Variants in FGF14 observed in about 807,000 individuals in gnomAD.
FGF14 encodes the protein fibroblast growth factor homologous factor 4.
FGF14 carries 5 observed loss-of-function variants against 25.5 expected under a neutral mutation model. The observed-to-expected ratio is 0.20, with a 90% CI of 0.10 to 0.41. The LOEUF is 0.41. Among genes scored for constraint, FGF14 ranks in the 10% least tolerant of loss-of-function variants. FGF14 has a pLI of 1.00. For synonymous variants in FGF14, 138 were observed against 118.3 expected, an observed-to-expected ratio of 1.17 and a Z score of -1.08; for missense variants, 222 against 320.1, an observed-to-expected ratio of 0.69 and a Z score of 2.34.
At chr13:102,046,473 G>A (rs80132273) in intron 1 of FGF14, among the ~76,000 whole-genome samples, 2,240 of 152,236 alleles carry the variant, frequency 0.015, 67 homozygotes, top group African/African-American at 0.051. Context: ...ACAAAAAACA[G>A]GAGTATGATG....
intron 1 of FGF14, among the ~76,000 whole-genome samples, chr13:102,378,578 G>T (rs985570600): frequency 9.6e-4 from 143 of 149,730 alleles, no homozygotes; most frequent in African/African-American, 3.3e-3. Flanking sequence ...TTTACATTAA[G>T]TATGTTATAT....
intron 1 of FGF14, among the ~76,000 whole-genome samples, chr13:102,123,099 A>G (rs1417119668): frequency 6.6e-6 from 1 of 152,208 alleles, no homozygotes; most frequent in Non-Finnish European, 1.5e-5. Context: ...AGAAAGACAG[A>G]CGGATGGTAA....
intron 1 of FGF14, among the ~76,000 whole-genome samples, chr13:101,966,470 T>C (rs1566506225): frequency 6.6e-6 from 1 of 151,434 alleles, no homozygotes; most frequent in African/African-American, 2.4e-5. Context: ...ATAAATCTTG[T>C]GGTTTTTTTT....
rs150436906 is a variant in FGF14 at position 102,104,183 on chromosome 13, C to T, written c.209-228887G>A. ...CCAGTACTGTCATTATACTCACCAACTTGTACTGAAGTTGCAAAGAAGTTT... is the reference window on the plus strand; with the variant it reads ...CCAGTACTGTCATTATACTCACCAATTTGTACTGAAGTTGCAAAGAAGTTT... On this transcript the variant is annotated intron_variant, in intron 1 of 4. Coordinates refer to the FGF14 transcript ENST00000376131. Among the ~76,000 whole-genome samples, 60 of 152,328 alleles carry T rather than the reference C, an allele frequency of 3.9e-4. 1 individual carries two copies. The highest frequency in any genetic ancestry group is 2.2e-4 in the Non-Finnish European group (15 of 68,028).
At position 101,841,913 on chromosome 13, in the gene FGF14, G is replaced by A. The variant is rs901363371; in HGVS notation, c.408+26812C>T. Among the ~76,000 whole-genome samples the A allele has an allele frequency of 9.2e-5, 14 of 151,976 alleles. No homozygotes were observed. In the East Asian group the frequency reaches 2.3e-3, roughly 25 times the overall value. On this transcript the variant is annotated intron_variant, in intron 3 of 4. Transcript: ENST00000376143. ...CCCCAGGAGCTCACCTTTTCTGCAC[G>A]TGAAAAGAATACTCACTCAGTATAA...
intron 1 of FGF14, among the ~76,000 whole-genome samples, chr13:102,027,806 A>G (rs1379708512): frequency 4.6e-5 from 7 of 152,002 alleles, no homozygotes; most frequent in Non-Finnish European, 1.0e-4. Flanking sequence ...TTATCCTGTC[A>G]CGATTTACCT....
chr13:102,322,885 A>T (rs1306867929), intron 1 of FGF14, among the ~76,000 whole-genome samples: 1 of 145,926 alleles, frequency 6.9e-6, no homozygotes, highest in East Asian at 2.0e-4. Flanking sequence ...ACTTAACATT[A>T]AAAAAAAAAA....
At chr13:101,845,300 A>T (rs1478029348) in intron 3 of FGF14, among the ~76,000 whole-genome samples, 2 of 152,028 alleles carry the variant, frequency 1.3e-5, no homozygotes, top group Admixed American at 1.3e-4. Flanking sequence ...AAAACTCTTT[A>T]TGTGTGCAGA....
At chr13:101,931,243 C>T (rs981085404) in intron 1 of FGF14, among the ~76,000 whole-genome samples, 2 of 152,244 alleles carry the variant, frequency 1.3e-5, no homozygotes, top group South Asian at 2.1e-4. Context: ...AATGCAAAGG[C>T]GCCCTTCCCA....
chr13:101,862,287 TC>T (rs1432751097), intron 3 of FGF14, among the ~76,000 whole-genome samples: 1 of 152,086 alleles, frequency 6.6e-6, no homozygotes, highest in Non-Finnish European at 1.5e-5. Context: ...CTCTTTTCTT[TC>T]CACAATGCTG....
rs141950653 is a variant in FGF14 at position 102,272,818 on chromosome 13, T to C, written c.208+128653A>G. On this transcript the variant is annotated intron_variant, in intron 1 of 4. Coordinates refer to the FGF14 transcript ENST00000376131. ...ATATTGAGGGCCAGAGTTTGAATTA[T>C]GTCACACTGACAGGAGACCCAACTG... 3.4e-4 allele frequency among the ~76,000 whole-genome samples: 52 copies of C among 152,260 alleles called. 1 individual carries two copies. In the East Asian group the frequency reaches 8.3e-3, roughly 24 times the overall value.
intron 1 of FGF14, among the ~76,000 whole-genome samples, chr13:102,127,990 C>T (rs1260212443): frequency 6.6e-6 from 1 of 152,164 alleles, no homozygotes; most frequent in Non-Finnish European, 1.5e-5. Context: ...TGGGGAAGCA[C>T]CTGCCCCTTC....
intron 1 of FGF14, among the ~76,000 whole-genome samples, chr13:102,278,361 T>C (rs1435031766): frequency 6.6e-6 from 1 of 152,176 alleles, no homozygotes; most frequent in Non-Finnish European, 1.5e-5. Context: ...AGTTGAAAAC[T>C]GGAAAGGTGG....
At chr13:102,084,249 C>T (rs1389321989) in intron 1 of FGF14, among the ~76,000 whole-genome samples, 3 of 152,088 alleles carry the variant, frequency 2.0e-5, no homozygotes, top group African/African-American at 7.2e-5. Context: ...TTCTTTTGCA[C>T]TCATGATTTT....
intron 1 of FGF14, among the ~76,000 whole-genome samples, chr13:102,065,277 C>G (rs2042854972): frequency 6.6e-6 from 1 of 152,004 alleles, no homozygotes; most frequent in African/African-American, 2.4e-5. Context: ...ACTTGTGGCT[C>G]AAAGCAAATC....
chr13:102,117,847 C>T lies in FGF14; in HGVS notation c.209-242551G>A, dbSNP rs1326954742. Among the ~76,000 whole-genome samples the T allele has an allele frequency of 2.0e-5, 3 of 152,062 alleles. No homozygotes were observed. In the East Asian group the frequency reaches 5.8e-4, roughly 29 times the overall value. ...ATTTGTTTATTTTTTCAAAAAGAAA[C>T]AGTGGCAGTATAAATCAGAAGCTGA... On this transcript the variant is annotated intron_variant, in intron 1 of 4. Coordinates refer to the FGF14 transcript ENST00000376131.
intron 1 of FGF14, chr13:102,366,420 T>C (rs2057714304): frequency 6.6e-6 from 1 of 152,178 alleles, no homozygotes; most frequent in Non-Finnish European, 1.5e-5. Context: ...ACCTGTTCTT[T>C]GATGAATGAT....
intron 1 of FGF14, among the ~76,000 whole-genome samples, chr13:102,164,981 AGAG>A (rs1472656626): frequency 6.6e-6 from 1 of 152,162 alleles, no homozygotes; most frequent in Non-Finnish European, 1.5e-5. Context: ...ACATGGCTGG[AGAG>A]GAGAATAGTG....
chr13:101,841,901 C>T, intron 3 of FGF14, among the ~76,000 whole-genome samples: 1 of 151,918 alleles, frequency 6.6e-6, no homozygotes, highest in East Asian at 1.9e-4. Context: ...CAGGAGCTCA[C>T]CTTTTCTGCA....
Sources: gnomAD v4.1 joint callset for allele counts (sites outside exome capture counted in the v4.1 genomes callset) on GRCh38, gnomAD v4.1.1 for gene constraint, MANE v1.5 for transcripts, NCBI Gene and HGNC (gene_info 2026-07-23, HGNC 2026-07-21) for gene names.